Variants in CABLES1 observed in about 807,000 individuals in gnomAD.
CABLES1 encodes Cdk5 and Abl enzyme substrate 1, also known as CDK5 and ABL1 enzyme substrate 1.
A neutral mutation model predicts 57.8 loss-of-function variants in CABLES1; 36 were observed. That is an observed-to-expected ratio of 0.62 (90% CI 0.48 to 0.82). The LOEUF (loss-of-function observed/expected upper bound fraction) is 0.82. CABLES1 is among the 40% of genes least tolerant of loss of function. The pLI, the probability that CABLES1 is intolerant of heterozygous loss-of-function variation, is 0.00. For synonymous variants in CABLES1, 374 were observed against 363.0 expected (o/e 1.03, Z -0.35); for missense variants, 767 against 836.6 (o/e 0.92, Z 1.03).
intron 1 of CABLES1, among the ~76,000 whole-genome samples, chr18:23,150,792 C>T (rs536097397): frequency 1.1e-4 from 17 of 152,054 alleles, no homozygotes; most frequent in South Asian, 1.0e-3. Context: ...AGTTCACCAC[C>T]GAGAGATGGG....
intron 1 of CABLES1, among the ~76,000 whole-genome samples, chr18:23,167,789 G>A (rs1042752900): frequency 2.0e-5 from 3 of 152,156 alleles, no homozygotes; most frequent in Non-Finnish European, 4.4e-5. Context: ...CAGGCTTGCT[G>A]CAGGTCGTTG....
intron 1 of CABLES1, among the ~76,000 whole-genome samples, chr18:23,136,946 C>T (rs2046827221): frequency 6.6e-6 from 1 of 152,200 alleles, no homozygotes; most frequent in South Asian, 2.1e-4. Context: ...CGGTCCAGAC[C>T]CGGAGGCGCA....
intron 3 of CABLES1, chr18:23,204,398 G>T (rs1205339512): frequency 6.6e-6 from 1 of 152,194 alleles, no homozygotes; most frequent in Admixed American, 6.5e-5. Context: ...CTTGTGTACG[G>T]GTTTGCGACT....
At chr18:23,160,182 C>T (rs1280483540) in intron 1 of CABLES1, among the ~76,000 whole-genome samples, 9 of 151,998 alleles carry the variant, frequency 5.9e-5, no homozygotes, top group East Asian at 3.9e-4. Flanking sequence ...GGATTACAGG[C>T]GCCCGCCACC....
chr18:23,224,867 CCTT>C (rs1240962920), intron 4 of CABLES1, among the ~76,000 whole-genome samples: 1 of 151,736 alleles, frequency 6.6e-6, no homozygotes, highest in Admixed American at 6.6e-5. Flanking sequence ...CCGCACCCGG[CCTT>C]CTTTTTCTTT....
chr18:23,241,289 A>AGGTGG (rs1168481287), intron 7 of CABLES1, among the ~76,000 whole-genome samples: 1 of 151,856 alleles, frequency 6.6e-6, no homozygotes, highest in Non-Finnish European at 1.5e-5. Context: ...TGGGAGGCCG[A>AGGTGG]GGTGGGTAAG....
intron 3 of CABLES1, among the ~76,000 whole-genome samples, chr18:23,205,180 A>ATTT (rs2047353944): frequency 9.7e-6 from 1 of 102,948 alleles, no homozygotes; most frequent in African/African-American, 3.8e-5. Flanking sequence ...TTCATTCCTG[A>ATTT]CTTTTTTTTT....
intron 7 of CABLES1, among the ~76,000 whole-genome samples, chr18:23,249,755 C>T (rs375049718): frequency 1.2e-4 from 18 of 152,254 alleles, no homozygotes; most frequent in East Asian, 3.9e-4. Context: ...CCTGACCCCC[C>T]GCCCCCGACA....
chr18:23,208,143 A>AC (rs2047377757), intron 3 of CABLES1, among the ~76,000 whole-genome samples: 1 of 151,462 alleles, frequency 6.6e-6, no homozygotes, highest in Non-Finnish European at 1.5e-5. Flanking sequence ...TGTCCACGGG[A>AC]CCCCTTCTCT....
chr18:23,236,017 C>T lies in CABLES1; in HGVS notation c.1308C>T (p.Gly436=), dbSNP rs1244458996. The change falls in exon 6 of 10, where the codon GGC becomes GGT. Residue 436 remains glycine, a synonymous_variant. Transcript: ENST00000256925. ...TGAGCCACCGCAGCCTCTCCATAGG[C>T]CGGGCAAGCGGCACCCAGGGGAGCC... ...RNLSHRSLSI[G]RASGTQGSLD... is the part of the protein sequence containing the mutation. 3 of 1,614,104 alleles carry T rather than the reference C, an allele frequency of 1.9e-6. No individual in the cohort carries two copies. The East Asian group carries it at 6.7e-5, about 36-fold the overall frequency.
At chr18:23,170,726 T>C (rs1339407653) in intron 1 of CABLES1, among the ~76,000 whole-genome samples, 1 of 152,216 alleles carries the variant, frequency 6.6e-6, no homozygotes, top group Non-Finnish European at 1.5e-5. Flanking sequence ...AAGTCTGCTT[T>C]GGAAAGAATA....
intron 4 of CABLES1, among the ~76,000 whole-genome samples, chr18:23,218,728 A>C (rs915227227): frequency 6.6e-6 from 1 of 152,292 alleles, no homozygotes; most frequent in Middle Eastern, 3.4e-3. Flanking sequence ...TTTAACTTGA[A>C]CACTGATTGT....
At chr18:23,140,890 C>T (rs2046853984) in intron 1 of CABLES1, among the ~76,000 whole-genome samples, 1 of 152,176 alleles carries the variant, frequency 6.6e-6, no homozygotes, top group Non-Finnish European at 1.5e-5. Flanking sequence ...GTGGGTTAAT[C>T]AGCCTTCTGG....
At chr18:23,211,265 T>C (rs940524672) in intron 3 of CABLES1, among the ~76,000 whole-genome samples, 1 of 152,172 alleles carries the variant, frequency 6.6e-6, no homozygotes, top group Non-Finnish European at 1.5e-5. Context: ...GTGAGGAAAA[T>C]GCAGCATCGC....
chr18:23,171,382 C>G (rs1411348170), intron 1 of CABLES1, among the ~76,000 whole-genome samples: 1 of 152,162 alleles, frequency 6.6e-6, no homozygotes, highest in Non-Finnish European at 1.5e-5. Context: ...CTGAATGCAT[C>G]AATGAGTGAG....
chr18:23,174,623 C>A (rs1016676404), intron 1 of CABLES1, among the ~76,000 whole-genome samples: 5 of 151,570 alleles, frequency 3.3e-5, no homozygotes, highest in Non-Finnish European at 5.9e-5. Context: ...AGGCACCCAC[C>A]ACCACACCCG....
At chr18:23,157,756 T>C (rs2046975275) in intron 1 of CABLES1, among the ~76,000 whole-genome samples, 1 of 152,186 alleles carries the variant, frequency 6.6e-6, no homozygotes, top group Non-Finnish European at 1.5e-5. Context: ...TAGTCCCAGC[T>C]ACTCTGAAAG....
intron 1 of CABLES1, among the ~76,000 whole-genome samples, chr18:23,156,556 T>C (rs1389202071): frequency 1.3e-5 from 2 of 152,230 alleles, no homozygotes; most frequent in African/African-American, 4.8e-5. Flanking sequence ...TAGTTTGTTT[T>C]ATAAAGTTGC....
In CABLES1 at chr18:23,152,486, ATTTTTT is replaced by A. The variant is rs67308509; in HGVS notation, c.845+15892_845+15897del. 1.4e-4 allele frequency among the ~76,000 whole-genome samples: 19 copies of A among 134,844 alleles called. No individual in the cohort carries two copies. In the East Asian group the frequency reaches 3.7e-3, roughly 26 times the overall value. 88.5% of individuals were successfully genotyped at this position (134,844 alleles called of 152,430 possible). On this transcript the variant is annotated intron_variant, in intron 1 of 9. Transcript: ENST00000256925. ...CTCAAGTTTATAATCGTTTGGTCTA[ATTTTTT>A]TTTTTTTTTTTTGAGACGGTCTCAC...
Sources: gnomAD v4.1 joint callset for allele counts (sites outside exome capture counted in the v4.1 genomes callset) on GRCh38, gnomAD v4.1.1 for gene constraint, MANE v1.5 for transcripts, NCBI Gene and HGNC (gene_info 2026-07-23, HGNC 2026-07-21) for gene names.